The following CSMD3 variants were observed in gnomAD, a reference collection of about 807,000 sequenced individuals.
CSMD3 encodes CUB and sushi domain-containing protein 3.
In CSMD3, 177 loss-of-function variants were observed where a neutral mutation model predicts 435.2. The observed-to-expected ratio is 0.41, with a 90% CI of 0.36 to 0.46. The LOEUF (loss-of-function observed/expected upper bound fraction) is 0.46, where lower values mean the gene tolerates loss of function less well. Among genes scored for constraint, CSMD3 ranks in the 20% least tolerant of loss-of-function variants. The pLI is 0.34. For synonymous variants in CSMD3, 1,656 were observed against 1,520.5 expected (o/e 1.09, Z -2.07); for missense variants, 4,265 against 4,504.6 (o/e 0.95, Z 1.52).
intron 32 of CSMD3, among the ~76,000 whole-genome samples, chr8:112,457,035 A>G (rs1816906348): frequency 2.0e-5 from 3 of 152,102 alleles, no homozygotes; most frequent in South Asian, 4.1e-4. Context: ...TCATGAGATA[A>G]TATTATGTGA....
chr8:112,857,023 C>T (rs560408647), intron 11 of CSMD3, among the ~76,000 whole-genome samples: 11 of 151,602 alleles, frequency 7.3e-5, no homozygotes, highest in East Asian at 5.8e-4. Context: ...AGATTACATT[C>T]GACTAGAATG....
At chr8:113,114,046 T>C (rs189145529) in intron 4 of CSMD3, among the ~76,000 whole-genome samples, 25 of 152,202 alleles carry the variant, frequency 1.6e-4, no homozygotes, top group African/African-American at 5.8e-4. Flanking sequence ...TGGGAAACCA[T>C]AATATTAAAT....
chr8:112,720,560 C>T (rs986138267), intron 13 of CSMD3, among the ~76,000 whole-genome samples: 4 of 152,064 alleles, frequency 2.6e-5, no homozygotes, highest in East Asian at 3.9e-4. Flanking sequence ...TACATACATG[C>T]GAGGAATCAC....
intron 59 of CSMD3, among the ~76,000 whole-genome samples, chr8:112,280,239 TC>T (rs1194118267): frequency 1.3e-5 from 2 of 152,100 alleles, no homozygotes; most frequent in Non-Finnish European, 2.9e-5. Flanking sequence ...AGCAACATCC[TC>T]TCATGATACT....
At chr8:112,924,871 T>C (rs898510912) in intron 9 of CSMD3, among the ~76,000 whole-genome samples, 1 of 152,104 alleles carries the variant, frequency 6.6e-6, no homozygotes, top group Non-Finnish European at 1.5e-5. Flanking sequence ...GATAAAGTAA[T>C]GAAATATTAT....
At chr8:113,088,702 G>C (rs1420173318) in intron 5 of CSMD3, among the ~76,000 whole-genome samples, 1 of 119,774 alleles carries the variant, frequency 8.3e-6, no homozygotes, top group Non-Finnish European at 1.7e-5. Context: ...ACACTCTGGG[G>C]ACTGCTGTGG....
chr8:112,859,097 C>T (rs572453597), intron 11 of CSMD3, 48 bp downstream of exon 11: 2 of 1,568,582 alleles, frequency 1.3e-6, no homozygotes, highest in South Asian at 2.2e-5. Flanking sequence ...TTGCCTTTGT[C>T]TTTATGATTA....
At chr8:113,362,962 A>G (rs1157620646) in intron 1 of CSMD3, among the ~76,000 whole-genome samples, 1 of 152,230 alleles carries the variant, frequency 6.6e-6, no homozygotes, top group East Asian at 1.9e-4. Context: ...AAAATATTGA[A>G]TCTGTATTCC....
intron 5 of CSMD3, among the ~76,000 whole-genome samples, chr8:113,042,513 T>C: frequency 6.6e-6 from 1 of 152,190 alleles, no homozygotes; most frequent in East Asian, 1.9e-4. Flanking sequence ...TAATCTAACG[T>C]TATAATTTTT....
chr8:113,210,922 G>C (rs1158339328), intron 3 of CSMD3, among the ~76,000 whole-genome samples: 1 of 151,234 alleles, frequency 6.6e-6, no homozygotes. Context: ...ACTTGACCAA[G>C]ACTACACATG....
intron 32 of CSMD3, among the ~76,000 whole-genome samples, chr8:112,449,702 C>T (rs1244650180): frequency 2.6e-5 from 4 of 152,154 alleles, no homozygotes; most frequent in Non-Finnish European, 1.5e-5. Context: ...TAATAGTGCT[C>T]GGTCATCATT....
At chr8:112,381,508 A>C (rs1045907131) in intron 37 of CSMD3, among the ~76,000 whole-genome samples, 1 of 152,250 alleles carries the variant, frequency 6.6e-6, no homozygotes, top group Admixed American at 6.5e-5. Flanking sequence ...TTCAACAAGC[A>C]TATGAGTTGA....
At chr8:113,005,263 T>G (rs1221086308) in intron 6 of CSMD3, among the ~76,000 whole-genome samples, 1 of 151,976 alleles carries the variant, frequency 6.6e-6, no homozygotes, top group African/African-American at 2.4e-5. Context: ...ACAATGGCTA[T>G]ATAACCACGG....
At chr8:113,116,108 C>A (rs1441895214) in intron 4 of CSMD3, among the ~76,000 whole-genome samples, 1 of 152,016 alleles carries the variant, frequency 6.6e-6, no homozygotes, top group Non-Finnish European at 1.5e-5. Flanking sequence ...TATGGTATTT[C>A]TTATATCAGG....
chr8:113,349,744 A>T (rs2094176877), intron 1 of CSMD3, among the ~76,000 whole-genome samples: 1 of 152,104 alleles, frequency 6.6e-6, no homozygotes, highest in African/African-American at 2.4e-5. Flanking sequence ...AAGAAAGGAG[A>T]ATATCTACTT....
chr8:113,270,062 C>T lies in CSMD3; in HGVS notation c.514+8530G>A, dbSNP rs527514741. On this transcript the variant is annotated intron_variant, in intron 3 of 70. Transcript: ENST00000297405. Reference sequence around the variant, plus strand: ...TGGGAGAAAATTTTTGCAATCTACTCATCTGACAAAGGGCTAATATCCAGA... The same window carrying T: ...TGGGAGAAAATTTTTGCAATCTACTTATCTGACAAAGGGCTAATATCCAGA... Among the ~76,000 whole-genome samples the T allele has an allele frequency of 1.6e-4, 24 of 151,950 alleles. No homozygotes were observed. In the East Asian group the frequency reaches 4.1e-3, roughly 26 times the overall value.
At chr8:112,861,857 C>T (rs893391885) in intron 10 of CSMD3, among the ~76,000 whole-genome samples, 3 of 151,894 alleles carry the variant, frequency 2.0e-5, no homozygotes, top group African/African-American at 7.2e-5. Context: ...AATTCTCTGG[C>T]ATCCTTTGTT....
At chr8:113,159,306 T>C (rs1469138207) in intron 4 of CSMD3, among the ~76,000 whole-genome samples, 1 of 152,018 alleles carries the variant, frequency 6.6e-6, no homozygotes, top group Non-Finnish European at 1.5e-5. Flanking sequence ...TATAGACATA[T>C]AAATATGTGT....
chr8:112,761,949 C>T (rs1045739488), intron 13 of CSMD3, among the ~76,000 whole-genome samples: 3 of 151,952 alleles, frequency 2.0e-5, no homozygotes, highest in Middle Eastern at 6.3e-3. Flanking sequence ...AAGACAGCTA[C>T]GTGGACAATA....
Sources: allele counts gnomAD v4.1 joint callset (sites outside exome capture counted in the v4.1 genomes callset), GRCh38; gene constraint gnomAD v4.1.1; transcripts MANE v1.5; gene names NCBI Gene and HGNC (gene_info 2026-07-23, HGNC 2026-07-21).